Variants in CDKL5 observed in about 807,000 individuals in gnomAD.
CDKL5 encodes cyclin dependent kinase like 5, also known as cyclin-dependent kinase-like 5.
In CDKL5, 8 loss-of-function variants were observed where a neutral mutation model predicts 61.7. That is an observed-to-expected ratio of 0.13 (90% CI 0.08 to 0.23). The LOEUF is 0.23. Ranked by LOEUF, CDKL5 falls within the 10% of genes least tolerant of loss-of-function variation. The pLI is 1.00. For missense variants in CDKL5, 440 were observed against 734.5 expected (o/e 0.60, Z 4.63); for synonymous variants, 275 against 272.3 (o/e 1.01, Z -0.10).
At chrX:18,590,979 G>A (rs1317196807) in intron 9 of CDKL5, among the ~76,000 whole-genome samples, 1 of 110,715 alleles carries the variant, frequency 9.0e-6, no homozygotes, top group African/African-American at 3.3e-5. Context: ...TGCCTTTTTT[G>A]TTCTTTGGCT....
chrX:18,623,578 T>C (rs940062191), intron 16 of CDKL5, among the ~76,000 whole-genome samples: 3 of 112,183 alleles, frequency 2.7e-5, no homozygotes, highest in Non-Finnish European at 5.6e-5. Context: ...GTAAAAATTA[T>C]TTAACGTTTT....
intron 1 of CDKL5, among the ~76,000 whole-genome samples, chrX:18,427,775 C>A (rs1356818075): frequency 1.8e-5 from 2 of 110,843 alleles, no homozygotes; most frequent in Non-Finnish European, 3.8e-5. Context: ...TTTTTCCTGG[C>A]TCAGTCTTAA....
intron 17 of CDKL5, chrX:18,627,205 CT>C (rs1441415039): frequency 2.7e-5 from 3 of 111,893 alleles, no homozygotes; most frequent in Admixed American, 9.4e-5. Flanking sequence ...ATACTTTCCC[CT>C]GAAACAATAT....
At chrX:18,454,882 T>C (rs1932106601) in intron 1 of CDKL5, among the ~76,000 whole-genome samples, 1 of 105,220 alleles carries the variant, frequency 9.5e-6, no homozygotes, top group South Asian at 4.3e-4. Flanking sequence ...ATAATAGTTC[T>C]CAAGTGTATT....
At chrX:18,591,881 C>A (rs532061973) in intron 9 of CDKL5, among the ~76,000 whole-genome samples, 2 of 112,158 alleles carry the variant, frequency 1.8e-5, no homozygotes, top group Admixed American at 9.5e-5. Context: ...GGTTATACCT[C>A]TTTTGTAGCA....
chrX:18,462,586 G>T (rs909346013), intron 1 of CDKL5, among the ~76,000 whole-genome samples: 2 of 111,903 alleles, frequency 1.8e-5, no homozygotes, highest in African/African-American at 6.5e-5. Context: ...GAAGGCAGGG[G>T]CCTTACTGCA....
intron 1 of CDKL5, among the ~76,000 whole-genome samples, chrX:18,506,011 C>G (rs773396825): frequency 2.7e-5 from 3 of 112,796 alleles, no homozygotes; most frequent in East Asian, 5.6e-4. Flanking sequence ...CTCTTCTCCC[C>G]CATTTATTTA....
At chrX:18,578,835 G>A (rs972466171) in intron 5 of CDKL5, among the ~76,000 whole-genome samples, 1 of 111,931 alleles carries the variant, frequency 8.9e-6, no homozygotes, top group Non-Finnish European at 1.9e-5. Flanking sequence ...TTTAGTCAAA[G>A]TAATATTTTG....
intron 3 of CDKL5, among the ~76,000 whole-genome samples, chrX:18,522,232 T>C (rs1302083789): frequency 9.0e-6 from 1 of 110,739 alleles, no homozygotes; most frequent in African/African-American, 3.3e-5. Context: ...TTCAGTGTGC[T>C]AGTCTTTTAC....
chrX:18,648,514 A>T (rs892922791), intron 20 of CDKL5, among the ~76,000 whole-genome samples: 9 of 110,707 alleles, frequency 8.1e-5, no homozygotes, highest in Middle Eastern at 4.6e-3. Flanking sequence ...GGCACTAGGG[A>T]TTACAGGTGT....
chrX:18,647,233 G>A (rs1271613655), intron 20 of CDKL5: 2 of 1,210,885 alleles, frequency 1.7e-6, no homozygotes, highest in Non-Finnish European at 2.2e-6. Context: ...TGCAGTCCAC[G>A]AAGAATACCA....
At chrX:18,551,433 G>T (rs966379680) in intron 3 of CDKL5, among the ~76,000 whole-genome samples, 1 of 108,739 alleles carries the variant, frequency 9.2e-6, no homozygotes, top group Non-Finnish European at 1.9e-5. Context: ...GGATATGTGG[G>T]TTTGTTTGCA....
At chrX:18,428,587 C>T (rs1931415864) in intron 1 of CDKL5, among the ~76,000 whole-genome samples, 1 of 111,708 alleles carries the variant, frequency 9.0e-6, no homozygotes, top group Non-Finnish European at 1.9e-5. Flanking sequence ...AATTCACATG[C>T]ATAGATCTAA....
chrX:18,462,761 C>T (rs1203116871), intron 1 of CDKL5, among the ~76,000 whole-genome samples: 1 of 111,701 alleles, frequency 9.0e-6, no homozygotes, highest in Non-Finnish European at 1.9e-5. Context: ...TGGTGGCTCA[C>T]GCCTATAATC....
intron 7 of CDKL5, among the ~76,000 whole-genome samples, chrX:18,582,219 T>G (rs1925505400): frequency 9.0e-6 from 1 of 110,559 alleles, no homozygotes; most frequent in Non-Finnish European, 1.9e-5. Flanking sequence ...ATCTAATGAC[T>G]TCACAAAAAT....
intron 1 of CDKL5, among the ~76,000 whole-genome samples, chrX:18,444,468 A>T (rs1229445187): frequency 9.0e-6 from 1 of 111,444 alleles, no homozygotes; most frequent in Non-Finnish European, 1.9e-5. Flanking sequence ...ACAAATATAT[A>T]TGTGTGTACA....
intron 1 of CDKL5, among the ~76,000 whole-genome samples, chrX:18,504,874 A>G (rs892987667): frequency 3.1e-4 from 33 of 106,033 alleles, no homozygotes; most frequent in Non-Finnish European, 1.2e-4. Context: ...CGGAGCTTGC[A>G]GTGAGTCGAG....
chrX:18,628,674 A>T lies in CDKL5; in HGVS notation c.2800A>T (p.Ser934Cys), dbSNP rs1927147766. The change falls in exon 18 of 18, where the codon AGT becomes TGT. Residue 934 changes from serine to cysteine, a missense_variant. Transcript: ENST00000623535. The stretch of plus-strand genomic sequence containing the variant: ...CTACTCTGAACAGCTGGGTGCCAAA[A>T]GTGGGCCAAATGGGCACCCCTATAA... ...PSYSEQLGAKSGPNGHPYNRT... is the reference protein window; with the variant it reads ...PSYSEQLGAKCGPNGHPYNRT... 2.5e-6 allele frequency: 3 copies of T among 1,202,108 alleles called. No homozygotes were observed. The East Asian group carries it at 9.0e-5, about 36-fold the overall frequency.
intron 1 of CDKL5, among the ~76,000 whole-genome samples, chrX:18,476,615 T>G (rs1198262180): frequency 8.9e-6 from 1 of 112,430 alleles, no homozygotes; most frequent in Non-Finnish European, 1.9e-5. Flanking sequence ...ATTTTTTTAG[T>G]TTTTTACCTT....
Sources: allele counts gnomAD v4.1 joint callset (sites outside exome capture counted in the v4.1 genomes callset), GRCh38; gene constraint gnomAD v4.1.1; transcripts MANE v1.5; gene names NCBI Gene and HGNC (gene_info 2026-07-23, HGNC 2026-07-21).